Variants in DMD observed in about 807,000 individuals in gnomAD.
The protein encoded by DMD is mutant dystrophin.
Under a neutral mutation model 330.1 loss-of-function variants are expected in DMD, and 63 were observed. The observed-to-expected ratio is 0.19, with a 90% CI of 0.16 to 0.24. DMD has a LOEUF of 0.24. Ranked by LOEUF, DMD falls within the 10% of genes least tolerant of loss-of-function variation. The pLI, the probability that DMD is intolerant of heterozygous loss-of-function variation, is 1.00. For synonymous variants in DMD, 1,223 were observed against 959.8 expected (o/e 1.27, Z -5.07); for missense variants, 3,344 against 2,684.1 (o/e 1.25, Z -5.43).
intron 7 of DMD, among the ~76,000 whole-genome samples, chrX:32,734,595 C>CA (rs1267530807): frequency 9.6e-6 from 1 of 103,846 alleles, no homozygotes; most frequent in Non-Finnish European, 1.9e-5. Flanking sequence ...CCCTGGGATG[C>CA]AAGGCTGGTT....
At chrX:32,295,091 C>T (rs1194947782) in intron 42 of DMD, among the ~76,000 whole-genome samples, 1 of 111,682 alleles carries the variant, frequency 9.0e-6, no homozygotes, top group African/African-American at 3.3e-5. Flanking sequence ...TTAATTTTGA[C>T]ATGCCCCTAT....
intron 55 of DMD, among the ~76,000 whole-genome samples, chrX:31,587,163 T>C (rs935932810): frequency 7.1e-5 from 8 of 111,919 alleles, no homozygotes; most frequent in Non-Finnish European, 1.9e-5. Context: ...TTAAGAATTC[T>C]AACTTACAGG....
rs182695426 is a variant in DMD, at chrX:31,406,898, C to A, written c.9084+37583G>T. 2.6e-3 allele frequency among the ~76,000 whole-genome samples: 287 copies of A among 111,567 alleles called. 2 individuals are homozygous for A. Among genetic ancestry groups the A allele is most frequent in the African/African-American group, 8.4e-3 (257 of 30,736 alleles). On this transcript the variant is annotated intron_variant, in intron 60 of 78. Transcript: ENST00000357033. Reference sequence around the variant, plus strand: ...AGTCTCCTAGCTGCATTTACAAAGGCACATTTAAGGCACCCTAATCCAAGG... The same window carrying A: ...AGTCTCCTAGCTGCATTTACAAAGGAACATTTAAGGCACCCTAATCCAAGG...
intron 9 of DMD, among the ~76,000 whole-genome samples, chrX:32,690,949 A>G (rs937022619): frequency 9.1e-6 from 1 of 109,957 alleles, no homozygotes; most frequent in African/African-American, 3.4e-5. Context: ...CCAAAAGCAC[A>G]AGCAATAAAA....
intron 1 of DMD, among the ~76,000 whole-genome samples, chrX:33,083,989 C>T (rs918488102): frequency 4.5e-5 from 5 of 111,513 alleles, no homozygotes; most frequent in Non-Finnish European, 9.4e-5. Flanking sequence ...CTCACCAATC[C>T]AGACACCCCA....
chrX:31,953,280 T>C (rs1398891407), intron 45 of DMD, among the ~76,000 whole-genome samples: 1 of 112,101 alleles, frequency 8.9e-6, no homozygotes, highest in East Asian at 2.8e-4. Context: ...TTCTGCCTTT[T>C]TGTTTGCCGC....
chrX:31,321,361 G>A (rs2056398919), intron 62 of DMD, among the ~76,000 whole-genome samples: 1 of 109,207 alleles, frequency 9.2e-6, no homozygotes, highest in East Asian at 2.9e-4. Flanking sequence ...GAGGCGGGTG[G>A]ATCACCTGAG....
At chrX:32,819,737 G>A (rs182974577) in intron 5 of DMD, among the ~76,000 whole-genome samples, 2 of 108,195 alleles carry the variant, frequency 1.8e-5, no homozygotes, top group African/African-American at 3.4e-5. Flanking sequence ...AATGCCGCTC[G>A]TTATCTGATA....
rs183237190 is a variant in DMD, at chrX:31,538,964, T to A, written c.8218-31511A>T. On this transcript the variant is annotated intron_variant, in intron 55 of 78. Coordinates refer to ENST00000357033, the MANE Select transcript of DMD (RefSeq NM_004006.3). ...AAAAGAGAAGGGTTATTCGTTCTCA[T>A]TATTTTTTCCTCAGACTCTCTCTTC... is the stretch of plus-strand genomic sequence containing the variant. Among the ~76,000 whole-genome samples, 28 of 111,923 alleles carry A rather than the reference T, an allele frequency of 2.5e-4. 1 individual carries two copies. The East Asian group carries it at 2.8e-3, about 11-fold the overall frequency.
chrX:32,122,671 C>G (rs2096641886), intron 44 of DMD, among the ~76,000 whole-genome samples: 1 of 111,437 alleles, frequency 9.0e-6, no homozygotes, highest in Admixed American at 9.6e-5. Context: ...ACAGTGCCTG[C>G]AACAGAACTG....
chrX:32,698,034 AG>A, intron 8 of DMD, 36 bp from the exon 9 acceptor site: 1 of 1,166,738 alleles, frequency 8.6e-7, no homozygotes, highest in Non-Finnish European at 1.1e-6. Flanking sequence ...GATAGAGAGG[AG>A]GGGGAAAAAC....
intron 7 of DMD, among the ~76,000 whole-genome samples, chrX:32,744,546 A>G: frequency 9.0e-6 from 1 of 111,636 alleles, no homozygotes; most frequent in East Asian, 2.8e-4. Flanking sequence ...CCAAAAGCAC[A>G]TTAAATTAGA....
intron 44 of DMD, among the ~76,000 whole-genome samples, chrX:32,084,259 T>C (rs927290410): frequency 9.0e-6 from 1 of 111,006 alleles, no homozygotes; most frequent in East Asian, 2.8e-4. Flanking sequence ...TGTGCCTGTG[T>C]GTGTGTTGAG....
At chrX:33,147,196 T>C (rs1247659575) in intron 1 of DMD, among the ~76,000 whole-genome samples, 1 of 111,982 alleles carries the variant, frequency 8.9e-6, no homozygotes, top group East Asian at 2.8e-4. Context: ...TGTGAAATAC[T>C]GTGGTCTCAC....
At chrX:32,058,211 A>G (rs1467854392) in intron 44 of DMD, among the ~76,000 whole-genome samples, 2 of 111,123 alleles carry the variant, frequency 1.8e-5, no homozygotes, top group Admixed American at 9.6e-5. Context: ...AAGGACAGCC[A>G]ACAAAAACAA....
intron 15 of DMD, among the ~76,000 whole-genome samples, chrX:32,567,536 T>C (rs764776628): frequency 2.7e-5 from 3 of 111,248 alleles, no homozygotes; most frequent in African/African-American, 6.5e-5. Flanking sequence ...GCTGGTATTA[T>C]AGGCACATGC....
intron 44 of DMD, among the ~76,000 whole-genome samples, chrX:32,216,467 A>G (rs1275563664): frequency 8.9e-6 from 1 of 112,167 alleles, no homozygotes; most frequent in African/African-American, 3.2e-5. Flanking sequence ...ATATATAGAA[A>G]TATTGCTACA....
At chrX:31,390,027 T>C (rs1481487616) in intron 60 of DMD, among the ~76,000 whole-genome samples, 2 of 111,818 alleles carry the variant, frequency 1.8e-5, no homozygotes, top group African/African-American at 6.5e-5. Flanking sequence ...TTTAGAAGTA[T>C]ATGATTTTAA....
At chrX:31,668,458 TA>T (rs2148672476) in intron 53 of DMD, among the ~76,000 whole-genome samples, 1 of 110,968 alleles carries the variant, frequency 9.0e-6, no homozygotes, top group South Asian at 3.7e-4. Flanking sequence ...ACAAAAGTTT[TA>T]AAACATTTTA....
Sources: allele counts gnomAD v4.1 joint callset (sites outside exome capture counted in the v4.1 genomes callset), GRCh38; gene constraint gnomAD v4.1.1; transcripts MANE v1.5; gene names NCBI Gene and HGNC (gene_info 2026-07-23, HGNC 2026-07-21).